Variants in PRMT8 observed in about 807,000 individuals in gnomAD.
PRMT8 encodes the protein protein arginine methyltransferase 8.
PRMT8 carries 7 observed loss-of-function variants against 47.1 expected under a neutral mutation model. The ratio of observed to expected loss-of-function variants is 0.15; its 90% CI spans 0.08 to 0.28. The LOEUF is 0.28. PRMT8 is among the 10% of genes least tolerant of loss of function. PRMT8 has a pLI of 1.00. For missense variants in PRMT8, 237 were observed against 505.4 expected, an observed-to-expected ratio of 0.47 and a Z score of 5.09; for synonymous variants, 188 against 186.5, an observed-to-expected ratio of 1.01 and a Z score of -0.07.
intron 1 of PRMT8, among the ~76,000 whole-genome samples, chr12:3,482,095 T>TC (rs1865279923): frequency 6.6e-6 from 1 of 152,192 alleles, no homozygotes; most frequent in Admixed American, 6.5e-5. Context: ...CAAGATTTGC[T>TC]CAGAGCCCTC....
At chr12:3,421,399 C>T (rs1864539148) in intron 1 of PRMT8, among the ~76,000 whole-genome samples, 1 of 152,226 alleles carries the variant, frequency 6.6e-6, no homozygotes, top group Non-Finnish European at 1.5e-5. Context: ...CCTTGCTCTC[C>T]AGCCATCACC....
At chr12:3,449,043 C>T (rs1241058966) in intron 1 of PRMT8, among the ~76,000 whole-genome samples, 3 of 152,296 alleles carry the variant, frequency 2.0e-5, no homozygotes, top group Admixed American at 2.0e-4. Context: ...CAGCTGCATC[C>T]ATGTCCCTGC....
rs1867344331 is a variant in PRMT8, at chr12:3,593,014, C to G, written c.1102-85C>G. ...GCTGGTGCTACCCATCCCTGTGGTT[C>G]CAGGAGCAGGTGGTGCCAGAGAGTG... On this transcript the variant is annotated intron_variant, in intron 9 of 9. Transcript: ENST00000382622. The surrounding 1 kb of genome is among the most constrained non-coding windows in gnomAD (Gnocchi z 4.8). The G allele has an allele frequency of 9.4e-7, 1 of 1,061,916 alleles. No homozygotes were observed. Among genetic ancestry groups the G allele is most frequent in the African/African-American group, 1.6e-5 (1 of 64,172 alleles). 65.8% of individuals were successfully genotyped at this position (1,061,916 alleles called of 1,614,324 possible).
At chr12:3,495,595 C>T (rs1865492804) in intron 1 of PRMT8, among the ~76,000 whole-genome samples, 1 of 152,224 alleles carries the variant, frequency 6.6e-6, no homozygotes, top group Non-Finnish European at 1.5e-5. Flanking sequence ...TAACGCCTGT[C>T]TCTCACTTTT....
chr12:3,547,443 A>G (rs1042039061), intron 2 of PRMT8, among the ~76,000 whole-genome samples: 2 of 152,186 alleles, frequency 1.3e-5, no homozygotes, highest in East Asian at 3.8e-4. Context: ...CCATTGCAAA[A>G]TGAAAAATTT....
At chr12:3,424,054 G>C (rs1221945317) in intron 1 of PRMT8, among the ~76,000 whole-genome samples, 2 of 152,146 alleles carry the variant, frequency 1.3e-5, no homozygotes, top group African/African-American at 2.4e-5. Flanking sequence ...GAGAGACTGG[G>C]CTACATGCTT....
At chr12:3,491,893 T>TGTGGGG (rs1865415719) in intron 1 of PRMT8, among the ~76,000 whole-genome samples, 193 bp downstream of exon 1, 1 of 4,960 alleles carries the variant, frequency 2.0e-4, no homozygotes, top group African/African-American at 9.7e-4. Context: ...TGTGTGTTGG[T>TGTGGGG]GGGGGGTGGG....
At chr12:3,475,187 G>T (rs778525603) in intron 1 of PRMT8, among the ~76,000 whole-genome samples, 1 of 152,206 alleles carries the variant, frequency 6.6e-6, no homozygotes, top group Non-Finnish European at 1.5e-5. Context: ...CCCAGTGGCC[G>T]TGGAACATCT....
intron 1 of PRMT8, among the ~76,000 whole-genome samples, chr12:3,467,409 G>T (rs1468141173): frequency 6.6e-6 from 1 of 152,124 alleles, no homozygotes; most frequent in Non-Finnish European, 1.5e-5. Flanking sequence ...CTTGCTTCTG[G>T]AGCTTGGTCA....
intron 1 of PRMT8, among the ~76,000 whole-genome samples, chr12:3,505,329 C>T (rs377101575): frequency 1.3e-4 from 20 of 152,324 alleles, no homozygotes; most frequent in African/African-American, 4.8e-4. Context: ...TGATGTTACT[C>T]AACACGGTGC....
At chr12:3,471,602 A>G (rs1037643322) in intron 1 of PRMT8, among the ~76,000 whole-genome samples, 1 of 150,798 alleles carries the variant, frequency 6.6e-6, no homozygotes, top group African/African-American at 2.4e-5. Flanking sequence ...GGCTCCCTCA[A>G]CCAGCATGGG....
At chr12:3,452,334 C>CACAT (rs1864927723) in intron 1 of PRMT8, among the ~76,000 whole-genome samples, 1 of 151,446 alleles carries the variant, frequency 6.6e-6, no homozygotes, top group Non-Finnish European at 1.5e-5. Context: ...CACACACACA[C>CACAT]ATACACACAC....
chr12:3,540,472 C>A (rs1481543662), intron 1 of PRMT8, 134 bp from the exon 2 acceptor site: 2 of 646,382 alleles, frequency 3.1e-6, no homozygotes, highest in Middle Eastern at 4.2e-4. Flanking sequence ...GGCTCACCTA[C>A]CTCCCTTTCA....
chr12:3,415,913 T>A (rs1864478567), intron 1 of PRMT8, among the ~76,000 whole-genome samples: 1 of 152,120 alleles, frequency 6.6e-6, no homozygotes, highest in Non-Finnish European at 1.5e-5. Flanking sequence ...TGAGCTGGGG[T>A]AATCACAGGG....
In PRMT8 at chr12:3,388,072, T is replaced by C. The variant is rs575395127; in HGVS notation, c.48+6630T>C. Among the ~76,000 whole-genome samples the C allele has an allele frequency of 7.6e-4, 38 of 49,996 alleles. 1 individual carries two copies. Among genetic ancestry groups the C allele is most frequent in the East Asian group, 2.6e-3 (2 of 768 alleles). The allele number at this position is 49,996 out of a possible 152,430, so 32.8% of individuals were successfully genotyped here. A position where few individuals can be genotyped will look rare whatever the true frequency, so the allele number is the denominator to read the frequency against. On this transcript the variant is annotated intron_variant, in intron 1 of 9. Transcript: ENST00000452611. ...TCCTTCCTCCCTCCCTCCCTCCCTG[T>C]CTGTCTGTCTTTCTCCCCTTTTTCT...
Position 3,535,774 on chromosome 12 carries a change from G to T in PRMT8, c.76-4832G>T, listed in dbSNP as rs1211371446. 6.6e-6 allele frequency among the ~76,000 whole-genome samples: 1 copy of T among 152,206 alleles called. No homozygotes were observed. The highest frequency in any genetic ancestry group is 1.5e-5 in the Non-Finnish European group (1 of 68,032). On this transcript the variant is annotated intron_variant, in intron 1 of 9. Coordinates refer to ENST00000382622, the MANE Select transcript of PRMT8 (RefSeq NM_019854.5). This position sits in a 1 kb window ranked among gnomAD's most constrained non-coding sequence, Gnocchi z 4.7. The stretch of plus-strand genomic sequence containing the variant: ...TTGGAGGTGAGAAAGCTGCAGCCAT[G>T]AGCAGACCAAGACGCTGATGTTGAG...
At chr12:3,417,578 G>A (rs539583462) in intron 1 of PRMT8, among the ~76,000 whole-genome samples, 2 of 152,260 alleles carry the variant, frequency 1.3e-5, no homozygotes, top group Admixed American at 1.3e-4. Flanking sequence ...GGCAGGAGGA[G>A]CTTTATGTAT....
intron 1 of PRMT8, among the ~76,000 whole-genome samples, chr12:3,404,932 A>AT (rs1466689053): frequency 2.0e-5 from 3 of 152,074 alleles, no homozygotes; most frequent in African/African-American, 7.2e-5. Context: ...CTGAAAGTCT[A>AT]TTTTTTCCCT....
In PRMT8 at chr12:3,407,081, G is replaced by T. The variant is rs748136310; in HGVS notation, c.48+25639G>T. Among the ~76,000 whole-genome samples the T allele has an allele frequency of 1.8e-4, 27 of 152,284 alleles. No individual in the cohort carries two copies. In the Middle Eastern group the frequency reaches 0.01, roughly 58 times the overall value. ...GAAACTTACAATCATGACAGAAAGG[G>T]AAGCAAACATGTCCTTCTTAATATG... On this transcript the variant is annotated intron_variant, in intron 1 of 9. Coordinates refer to the PRMT8 transcript ENST00000452611.
Sources: gnomAD v4.1 joint callset for allele counts (sites outside exome capture counted in the v4.1 genomes callset) on GRCh38, gnomAD v4.1.1 for gene constraint, Gnocchi (gnomAD v3.1) non-coding constraint, MANE v1.5 for transcripts, NCBI Gene and HGNC (gene_info 2026-07-23, HGNC 2026-07-21) for gene names.